SLC5A9: variants seen among roughly 807,000 people sequenced by gnomAD.
SLC5A9 encodes the protein solute carrier family 5 member 9, also known as sodium/glucose cotransporter 4.
Under a neutral mutation model 70.9 loss-of-function variants are expected in SLC5A9, and 59 were observed. The ratio of observed to expected loss-of-function variants is 0.83; its 90% CI spans 0.68 to 1.03. The LOEUF is 1.03. Ranked by LOEUF, SLC5A9 falls within the 50% of genes least tolerant of loss-of-function variation. The pLI is 0.00. For missense variants in SLC5A9, 832 were observed against 881.1 expected, an observed-to-expected ratio of 0.94 and a Z score of 0.71; for synonymous variants, 340 against 346.5, an observed-to-expected ratio of 0.98 and a Z score of 0.21.
intron 10 of SLC5A9, among the ~76,000 whole-genome samples, chr1:48,237,140 TG>T (rs1250585835): frequency 6.6e-6 from 1 of 151,998 alleles, no homozygotes; most frequent in Non-Finnish European, 1.5e-5. Context: ...CAGAATGCTT[TG>T]GGGACTTAGG....
chr1:48,232,390 G>A lies in SLC5A9; in HGVS notation c.921G>A (p.Ser307=), dbSNP rs61743842. The change falls in exon 8 of 14, where the codon TCG becomes TCA. Residue 307 remains serine (S), a synonymous_variant. Transcript: ENST00000438567. ...AGGTCATTGTGCAGCGGTCTCTCTC[G>A]GCCAAGAGTCTGTCTCATGCCAAGG... is the stretch of plus-strand genomic sequence containing the variant. ...TDQVIVQRSL[S]AKSLSHAKGG... 7,568 of 1,614,048 alleles carry A rather than the reference G, an allele frequency of 4.7e-3. 99 individuals carry two copies. The highest frequency in any genetic ancestry group is 0.033 in the Admixed American group (2,002 of 60,012).
In SLC5A9 at chr1:48,232,439, C is replaced by T; in HGVS notation, c.970C>T (p.Leu324=). ...AKGGSVLGGY[L]KILPMFFIVM... ...GGGAGGCTCCGTGCTGGGGGGCTACCTGAAGATCCTCCCCATGTTCTTCAT... is the reference window on the plus strand; with the variant it reads ...GGGAGGCTCCGTGCTGGGGGGCTACTTGAAGATCCTCCCCATGTTCTTCAT... Residue 324 remains leucine, a synonymous_variant, in exon 8 of 14, where the codon CTG becomes TTG. Coordinates refer to ENST00000438567, the MANE Select transcript of SLC5A9 (RefSeq NM_001011547.3). 6.2e-7 allele frequency: 1 copy of T among 1,614,172 alleles called. No individual in the cohort carries two copies. Among genetic ancestry groups the T allele is most frequent in the Non-Finnish European group, 8.5e-7 (1 of 1,180,026 alleles).
At chr1:48,246,991 C>T (rs1399289001) in intron 13 of SLC5A9, among the ~76,000 whole-genome samples, 1 of 152,178 alleles carries the variant, frequency 6.6e-6, no homozygotes, top group Non-Finnish European at 1.5e-5. Flanking sequence ...TTCCTTCTTC[C>T]CTTATTCAGG....
intron 3 of SLC5A9, 47 bp downstream of exon 3, chr1:48,229,001 A>G: frequency 1.2e-6 from 2 of 1,613,092 alleles, no homozygotes; most frequent in Non-Finnish European, 1.7e-6. Flanking sequence ...GGTCTAACCC[A>G]CCTCTGTCTC....
intron 2 of SLC5A9, among the ~76,000 whole-genome samples, chr1:48,225,152 G>A (rs1221160182): frequency 6.6e-6 from 1 of 152,188 alleles, no homozygotes; most frequent in African/African-American, 2.4e-5. Context: ...GAAGCAGGGG[G>A]CACTCACCAG....
rs1057128891 is a variant in SLC5A9 at position 48,225,891 on chromosome 1, C to T, written c.234+1096C>T. On this transcript the variant is annotated intron_variant, in intron 2 of 13. Coordinates refer to ENST00000438567, the MANE Select transcript of SLC5A9 (RefSeq NM_001011547.3). ...GCACACTCAGACTCACACATTCATG[C>T]GCACTCACACCACCAGCCATCTTCA... 3.9e-5 allele frequency among the ~76,000 whole-genome samples: 6 copies of T among 152,216 alleles called. No individual in the cohort carries two copies. The South Asian group carries it at 6.2e-4, about 16-fold the overall frequency.
chr1:48,233,987 C>T (rs1303575433), intron 9 of SLC5A9, among the ~76,000 whole-genome samples: 1 of 152,246 alleles, frequency 6.6e-6, no homozygotes, highest in Non-Finnish European at 1.5e-5. Flanking sequence ...CAGGCCCCTG[C>T]TCAGGCATCA....
rs372725450 is a variant in SLC5A9 at position 48,229,290 on chromosome 1, C to T, written c.340-5C>T. 6.2e-7 allele frequency: 1 copy of T among 1,614,016 alleles called. No individual in the cohort carries two copies. The highest frequency in any genetic ancestry group is 8.5e-7 in the Non-Finnish European group (1 of 1,180,008). ...GATACCTTCTTCTTCTCCCCACTCT[C>T]CCAGGCAACCTGGCTGCTCCTGGCC... On this transcript the variant is annotated splice_region_variant and splice_polypyrimidine_tract_variant and intron_variant, in intron 3 of 13. Coordinates refer to ENST00000438567, the MANE Select transcript of SLC5A9 (RefSeq NM_001011547.3).
At chr1:48,226,703 C>G (rs920344017) in intron 2 of SLC5A9, among the ~76,000 whole-genome samples, 10 of 152,234 alleles carry the variant, frequency 6.6e-5, no homozygotes, top group African/African-American at 2.4e-4. Context: ...CCAGAGAGGT[C>G]TGCATGGTCC....
Position 48,230,641 on chromosome 1 carries a change from G to A in SLC5A9, c.546G>A (p.Leu182=). ...FSGALFIQMA[L]GWNLYLSTGI... ...GAGCCCTCTTCATCCAGATGGCATT[G>A]GGCTGGAACCTGTACCTCTCCACAG... Residue 182 remains leucine, a synonymous_variant, in exon 5 of 14, where the codon TTG becomes TTA. Transcript: ENST00000438567. The A allele has an allele frequency of 6.2e-7, 1 of 1,614,070 alleles. No individual in the cohort carries two copies. Among genetic ancestry groups the A allele is most frequent in the African/African-American group, 1.3e-5 (1 of 75,036 alleles).
intron 8 of SLC5A9, 97 bp from the exon 9 acceptor site, chr1:48,233,558 C>T: frequency 2.3e-6 from 2 of 886,478 alleles, no homozygotes; most frequent in South Asian, 1.4e-5. Context: ...GTCAGAGTCT[C>T]CAGTGAACAT....
chr1:48,236,109 A>G (rs2148580111), intron 10 of SLC5A9, among the ~76,000 whole-genome samples: 1 of 152,352 alleles, frequency 6.6e-6, no homozygotes, highest in Middle Eastern at 3.4e-3. Context: ...TTATCTTGAA[A>G]TTGATCAACA....
intron 13 of SLC5A9, among the ~76,000 whole-genome samples, chr1:48,244,999 A>G (rs926462323): frequency 7.0e-6 from 1 of 142,466 alleles, no homozygotes; most frequent in African/African-American, 2.6e-5. Flanking sequence ...TACAAATGAA[A>G]TGCTGAATTC....
In SLC5A9 at chr1:48,239,178, G is replaced by T; in HGVS notation, c.1462-144G>T. On this transcript the variant is annotated intron_variant, in intron 11 of 13. Transcript: ENST00000438567. This position sits in a 1 kb window ranked among gnomAD's most constrained non-coding sequence, Gnocchi z 4.2. ...TCAAGACGAAGTCTCAGTATTAATG[G>T]AGAACTCATTTTCCCATTAGTAGAT... is the stretch of plus-strand genomic sequence containing the variant. The T allele has an allele frequency of 3.1e-6, 2 of 637,376 alleles. No homozygotes were observed. The highest frequency in any genetic ancestry group is 5.6e-6 in the Non-Finnish European group (2 of 358,740). The allele number at this position is 637,376 out of a possible 1,614,324, so 39.5% of individuals were successfully genotyped here.
chr1:48,248,039 T>C lies in SLC5A9; in HGVS notation c.*496T>C, dbSNP rs575283180. 7 of 163,878 alleles carry C rather than the reference T, an allele frequency of 4.3e-5. No individual in the cohort carries two copies. In the South Asian group the frequency reaches 1.1e-3, roughly 26 times the overall value. The allele number at this position is 163,878 out of a possible 1,614,324, so 10.2% of individuals were successfully genotyped here. On this transcript the variant is annotated 3_prime_UTR_variant, in exon 14 of 14. Coordinates refer to ENST00000438567, the MANE Select transcript of SLC5A9 (RefSeq NM_001011547.3). ...CAATAATCTCTTTGTTGCATGAATT[T>C]ACCCAGGAGAGTCCTATATTTCCAT...
chr1:48,242,105 C>T (rs1216535952), intron 12 of SLC5A9: 42 of 470,966 alleles, frequency 8.9e-5, no homozygotes, highest in Admixed American at 4.0e-4. Context: ...CTTTAAGCTA[C>T]GACTCCTCAG....
intron 9 of SLC5A9, 114 bp from the exon 10 acceptor site, chr1:48,235,615 C>T (rs1644314704): frequency 7.8e-7 from 1 of 1,283,278 alleles, no homozygotes; most frequent in Non-Finnish European, 1.1e-6. Context: ...CCCCTTCCCT[C>T]TCTCATCCCC....
Position 48,230,659 on chromosome 1 carries a change from C to T in SLC5A9, c.564C>T (p.Leu188=). 1 of 1,614,092 alleles carries T rather than the reference C, an allele frequency of 6.2e-7. No homozygotes were observed. Among genetic ancestry groups the T allele is most frequent in the Non-Finnish European group, 8.5e-7 (1 of 1,179,998 alleles). The change falls in exon 5 of 14, where the codon CTC becomes CTT. Residue 188 remains leucine, a synonymous_variant. Coordinates refer to ENST00000438567, the MANE Select transcript of SLC5A9 (RefSeq NM_001011547.3). ...IQMALGWNLY[L]STGILLVVTA... ...TGGCATTGGGCTGGAACCTGTACCT[C>T]TCCACAGGGATCCTGCTGGTGGTGA...
At chr1:48,245,754 G>A (rs1256536253) in intron 13 of SLC5A9, among the ~76,000 whole-genome samples, 2 of 152,144 alleles carry the variant, frequency 1.3e-5, no homozygotes, top group Admixed American at 1.3e-4. Flanking sequence ...TTGAACTCAG[G>A]AGTCAAGACC....
Sources: allele counts gnomAD v4.1 joint callset (sites outside exome capture counted in the v4.1 genomes callset), GRCh38; gene constraint gnomAD v4.1.1; non-coding constraint Gnocchi (gnomAD v3.1); transcripts MANE v1.5; gene names NCBI Gene and HGNC (gene_info 2026-07-23, HGNC 2026-07-21).